The following PCCA variants were observed in gnomAD, a reference collection of about 807,000 sequenced individuals.
PCCA encodes propionyl-CoA carboxylase subunit alpha, also known as propionyl-CoA carboxylase alpha chain, mitochondrial.
PCCA carries 74 observed loss-of-function variants against 101.3 expected under a neutral mutation model. The observed-to-expected ratio is 0.73, with a 90% CI of 0.61 to 0.89. PCCA has a LOEUF of 0.89. PCCA is among the 40% of genes least tolerant of loss of function. The pLI, the probability that PCCA is intolerant of heterozygous loss-of-function variation, is 0.00. For missense variants in PCCA, 891 were observed against 907.0 expected (o/e 0.98, Z 0.23); for synonymous variants, 294 against 313.6 (o/e 0.94, Z 0.66).
intron 8 of PCCA, among the ~76,000 whole-genome samples, chr13:100,250,055 T>G (rs1029484736): frequency 1.3e-5 from 2 of 152,188 alleles, no homozygotes; most frequent in African/African-American, 4.8e-5. Flanking sequence ...TGTTTACTCT[T>G]TATTTCCTTT....
intron 6 of PCCA, among the ~76,000 whole-genome samples, chr13:100,197,863 A>G (rs943279000): frequency 3.9e-5 from 6 of 152,230 alleles, no homozygotes; most frequent in African/African-American, 1.4e-4. Context: ...TCCAGATACT[A>G]ACATGCCCCA....
chr13:100,489,239 C>T (rs891328403), intron 21 of PCCA, among the ~76,000 whole-genome samples: 5 of 152,122 alleles, frequency 3.3e-5, no homozygotes, highest in South Asian at 4.2e-4. Flanking sequence ...ACCCGGGAGG[C>T]GGAGCTTGCA....
intron 21 of PCCA, among the ~76,000 whole-genome samples, chr13:100,488,391 A>C (rs1382879135): frequency 6.6e-6 from 1 of 152,108 alleles, no homozygotes; most frequent in Non-Finnish European, 1.5e-5. Flanking sequence ...GGCCGACCCT[A>C]TATATTTTTT....
intron 21 of PCCA, among the ~76,000 whole-genome samples, chr13:100,508,308 A>T (rs2086233986): frequency 6.6e-6 from 1 of 151,800 alleles, no homozygotes. Flanking sequence ...TTTTGTTGGG[A>T]TTTTCTTCCC....
At chr13:100,311,793 T>A (rs1394840856) in intron 16 of PCCA, among the ~76,000 whole-genome samples, 8 of 152,100 alleles carry the variant, frequency 5.3e-5, no homozygotes, top group Admixed American at 5.2e-4. Context: ...ATAAAAGCCA[T>A]GTGTTATAAA....
At chr13:100,094,085 G>A (rs967123864) in intron 1 of PCCA, among the ~76,000 whole-genome samples, 2 of 151,882 alleles carry the variant, frequency 1.3e-5, no homozygotes, top group Non-Finnish European at 2.9e-5. Context: ...AAAATTAGCC[G>A]GGCATGGTGG....
intron 17 of PCCA, among the ~76,000 whole-genome samples, chr13:100,331,902 G>T: frequency 6.9e-6 from 1 of 144,162 alleles, no homozygotes. Context: ...AAAAATCTTA[G>T]CCATAATATT....
At chr13:100,519,685 A>G (rs1325224825) in intron 22 of PCCA, among the ~76,000 whole-genome samples, 2 of 152,224 alleles carry the variant, frequency 1.3e-5, no homozygotes, top group Non-Finnish European at 2.9e-5. Context: ...GCCTCATGTA[A>G]CTGAGCTTAT....
intron 4 of PCCA, among the ~76,000 whole-genome samples, chr13:100,118,394 T>C (rs1305079250): frequency 1.3e-5 from 2 of 152,158 alleles, no homozygotes; most frequent in African/African-American, 4.8e-5. Flanking sequence ...ACCTCTTTAG[T>C]CTCTTAATCT....
intron 17 of PCCA, among the ~76,000 whole-genome samples, chr13:100,335,704 C>T (rs1257386307): frequency 1.3e-5 from 2 of 152,172 alleles, no homozygotes; most frequent in Non-Finnish European, 2.9e-5. Flanking sequence ...GGAACATGGA[C>T]ATAATAAATG....
At chr13:100,094,836 C>T (rs2046622661) in intron 1 of PCCA, among the ~76,000 whole-genome samples, 2 of 152,218 alleles carry the variant, frequency 1.3e-5, no homozygotes, top group African/African-American at 2.4e-5. Flanking sequence ...GATCCGCCTG[C>T]CTCGGCCTCC....
At chr13:100,348,945 T>C (rs887934922) in intron 18 of PCCA, among the ~76,000 whole-genome samples, 2 of 72,340 alleles carry the variant, frequency 2.8e-5, no homozygotes, top group African/African-American at 1.0e-4. Context: ...TTTCTTTTCT[T>C]TCTTTTCTTT....
intron 19 of PCCA, among the ~76,000 whole-genome samples, chr13:100,424,792 A>G: frequency 6.6e-6 from 1 of 152,202 alleles, no homozygotes; most frequent in East Asian, 1.9e-4. Flanking sequence ...ATCATATATC[A>G]TAGTTCTGCT....
chr13:100,522,616 G>A (rs956606090), intron 22 of PCCA, among the ~76,000 whole-genome samples: 4 of 152,164 alleles, frequency 2.6e-5, no homozygotes, highest in Non-Finnish European at 4.4e-5. Flanking sequence ...AAGAGGATGG[G>A]CTGTCTTAAA....
At chr13:100,234,983 T>A (rs2060706631) in intron 7 of PCCA, among the ~76,000 whole-genome samples, 1 of 151,964 alleles carries the variant, frequency 6.6e-6, no homozygotes, top group South Asian at 2.1e-4. Context: ...TTTGGGGAAA[T>A]GATTCAGCAG....
chr13:100,221,746 A>ATTTTTT (rs3034654), intron 7 of PCCA, among the ~76,000 whole-genome samples: 32 of 121,574 alleles, frequency 2.6e-4, no homozygotes, highest in African/African-American at 9.5e-4. Context: ...TCCCTGGGAA[A>ATTTTTT]TTTTTTTTTT....
At chr13:100,516,736 CGTGTGT>C (rs3840000) in intron 22 of PCCA, among the ~76,000 whole-genome samples, 11 of 144,972 alleles carry the variant, frequency 7.6e-5, no homozygotes, top group East Asian at 2.1e-4. Context: ...AGAAAAATTA[CGTGTGT>C]GTGTGTGTGT....
intron 21 of PCCA, among the ~76,000 whole-genome samples, chr13:100,470,765 G>A (rs1232492649): frequency 1.3e-5 from 2 of 152,036 alleles, no homozygotes; most frequent in Non-Finnish European, 2.9e-5. Context: ...AGGCTGAGGC[G>A]GGAGAATCGC....
intron 18 of PCCA, among the ~76,000 whole-genome samples, chr13:100,357,216 TTAAATG>T (rs2074046731): frequency 6.6e-6 from 1 of 152,356 alleles, no homozygotes; most frequent in South Asian, 2.1e-4. Context: ...CTCAAACTGT[TTAAATG>T]TATATAGTCT....
Sources: allele counts gnomAD v4.1 joint callset (sites outside exome capture counted in the v4.1 genomes callset), GRCh38; gene constraint gnomAD v4.1.1; transcripts MANE v1.5; gene names NCBI Gene and HGNC (gene_info 2026-07-23, HGNC 2026-07-21).